Variants in CPLX1 observed in about 807,000 individuals in gnomAD.
The protein encoded by CPLX1 is complexin 1, also known as complexin-1.
A neutral mutation model predicts 15.6 loss-of-function variants in CPLX1; 6 were observed. The observed-to-expected ratio is 0.39, with a 90% CI of 0.21 to 0.76. The LOEUF is 0.76. Among genes scored for constraint, CPLX1 ranks in the 30% least tolerant of loss-of-function variants. The pLI, the probability that CPLX1 is intolerant of heterozygous loss-of-function variation, is 0.43. For missense variants in CPLX1, 242 were observed against 188.6 expected (o/e 1.28, Z -1.66); for synonymous variants, 91 against 75.2 (o/e 1.21, Z -1.08).
chr4:803,422 G>A (rs561840971), intron 2 of CPLX1, among the ~76,000 whole-genome samples: 1 of 151,772 alleles, frequency 6.6e-6, no homozygotes, highest in Non-Finnish European at 1.5e-5. Flanking sequence ...ACGGAATCTC[G>A]CTCTGTCGCC....
chr4:802,264 CAA>C (rs940652572), intron 2 of CPLX1, among the ~76,000 whole-genome samples: 6 of 152,208 alleles, frequency 3.9e-5, no homozygotes, highest in African/African-American at 1.4e-4. Flanking sequence ...GGGAGAATCT[CAA>C]AGTCTTTATG....
At chr4:812,237 G>A (rs1164626059) in intron 2 of CPLX1, among the ~76,000 whole-genome samples, 2 of 151,932 alleles carry the variant, frequency 1.3e-5, no homozygotes, top group Admixed American at 6.6e-5. Context: ...ACCACGCCCC[G>A]CTAAATTTTT....
At chr4:803,000 G>A (rs935911103) in intron 2 of CPLX1, among the ~76,000 whole-genome samples, 15 of 151,792 alleles carry the variant, frequency 9.9e-5, no homozygotes, top group Non-Finnish European at 1.9e-4. Context: ...AACACTAGGC[G>A]TCTGAACTTA....
intron 2 of CPLX1, among the ~76,000 whole-genome samples, chr4:811,106 C>T (rs1357052181): frequency 6.6e-6 from 1 of 152,020 alleles, no homozygotes; most frequent in Non-Finnish European, 1.5e-5. Flanking sequence ...CTTAAGTGAT[C>T]CTCCCACCTC....
chr4:809,160 G>A (rs554129655), intron 2 of CPLX1, among the ~76,000 whole-genome samples: 1 of 152,364 alleles, frequency 6.6e-6, no homozygotes, highest in South Asian at 2.1e-4. Flanking sequence ...ATTCAAACAC[G>A]ATTATGCTCC....
intron 2 of CPLX1, among the ~76,000 whole-genome samples, chr4:804,464 C>A (rs1011472349): frequency 3.3e-5 from 5 of 151,930 alleles, no homozygotes; most frequent in African/African-American, 9.7e-5. Context: ...GAAAATATAA[C>A]CTACTTAGAA....
At chr4:803,533 G>A (rs2152645700) in intron 2 of CPLX1, among the ~76,000 whole-genome samples, 1 of 135,288 alleles carries the variant, frequency 7.4e-6, no homozygotes, top group Non-Finnish European at 1.5e-5. Context: ...TGGGACTGCA[G>A]GCGTCCGCCA....
chr4:791,304 C>T lies in CPLX1; in HGVS notation c.207+1129G>A, dbSNP rs114872652. On this transcript the variant is annotated intron_variant, in intron 3 of 3. Transcript: ENST00000304062. The stretch of plus-strand genomic sequence containing the variant: ...GTGGGATGCCAGGGCGCCCGGCCCC[C>T]ACTCCCCATCAGCGGCTTCTCTGCA... Among the ~76,000 whole-genome samples the T allele has an allele frequency of 3.2e-3, 490 of 151,550 alleles. 3 individuals carry two copies. Among genetic ancestry groups the T allele is most frequent in the African/African-American group, 0.011 (468 of 41,260 alleles).
chr4:824,802 A>C (rs1257702776), intron 1 of CPLX1: 1 of 654,164 alleles, frequency 1.5e-6, no homozygotes, highest in Admixed American at 2.1e-5. Context: ...TGGTCTCCCC[A>C]GCTCCTGGGG....
chr4:820,306 G>A (rs1470212591), intron 2 of CPLX1, among the ~76,000 whole-genome samples: 2 of 152,276 alleles, frequency 1.3e-5, no homozygotes, highest in Non-Finnish European at 2.9e-5. Context: ...GTGGCCCAAT[G>A]GGGCAGGAAC....
Position 786,397 on chromosome 4 carries a change from T to G in CPLX1, c.*104A>C. 1 of 1,310,486 alleles carries G rather than the reference T, an allele frequency of 7.6e-7. No homozygotes were observed. The highest frequency in any genetic ancestry group is 1.0e-6 in the Non-Finnish European group (1 of 982,722). The allele number at this position is 1,310,486 out of a possible 1,614,324, so 81.2% of individuals were successfully genotyped here. A position where few individuals can be genotyped will look rare whatever the true frequency, so the allele number is the denominator to read the frequency against. ...GCAGGGCGGGCCTGGGGCTATGGCT[T>G]ATATCGGCGTGGGGGCTGCGCTCTG... is the stretch of plus-strand genomic sequence containing the variant. On this transcript the variant is annotated 3_prime_UTR_variant, in exon 4 of 4. Coordinates refer to ENST00000304062, the MANE Select transcript of CPLX1 (RefSeq NM_006651.4).
At chr4:792,728 C>G in intron 2 of CPLX1, 120 bp from the exon 3 acceptor site, 1 of 1,093,014 alleles carries the variant, frequency 9.1e-7, no homozygotes. Context: ...ACTCGACCCT[C>G]TGGCTGCCCC....
chr4:786,574 T>C lies in CPLX1; in HGVS notation c.332A>G (p.Glu111Gly). 5 of 1,610,420 alleles carry C rather than the reference T, an allele frequency of 3.1e-6. No homozygotes were observed. Among genetic ancestry groups the C allele is most frequent in the Non-Finnish European group, 4.2e-6 (5 of 1,178,578 alleles). The change falls in exon 4 of 4, where the codon GAG becomes GGG. Residue 111 changes from glutamate to glycine, a missense_variant. Transcript: ENST00000304062. ...GGTGTCCAGGATGCTCTCGTCCTCC[T>C]CCTCCACCTCGTCCCCGCAGCCCGG... ...IPPGCGDEVEEEDESILDTVI... is the reference protein window; with the variant it reads ...IPPGCGDEVEGEDESILDTVI...
intron 2 of CPLX1, among the ~76,000 whole-genome samples, chr4:809,836 G>T (rs1326139782): frequency 6.6e-6 from 1 of 152,018 alleles, no homozygotes; most frequent in Non-Finnish European, 1.5e-5. Flanking sequence ...TATATAAAGG[G>T]GCACACACAA....
At chr4:809,193 C>T (rs763379332) in intron 2 of CPLX1, among the ~76,000 whole-genome samples, 20 of 152,252 alleles carry the variant, frequency 1.3e-4, no homozygotes, top group Admixed American at 2.6e-4. Flanking sequence ...CCGTATCTTG[C>T]GGTTGCTATT....
intron 2 of CPLX1, among the ~76,000 whole-genome samples, chr4:818,463 G>A (rs528113443): frequency 5.5e-4 from 84 of 152,348 alleles, no homozygotes; most frequent in African/African-American, 1.6e-3. Flanking sequence ...TCTGTTTTGC[G>A]CCCACGCTGA....
chr4:795,163 G>A (rs1000321548), intron 2 of CPLX1, among the ~76,000 whole-genome samples: 4 of 152,256 alleles, frequency 2.6e-5, no homozygotes, highest in Non-Finnish European at 5.9e-5. Flanking sequence ...GCAGGGAGGC[G>A]CCTCCAGAAC....
chr4:824,747 G>A (rs552520810), intron 1 of CPLX1, 146 bp from the exon 2 acceptor site: 1 of 693,502 alleles, frequency 1.4e-6, no homozygotes, highest in African/African-American at 1.7e-5. Flanking sequence ...TTCGTGAGGG[G>A]CTTCTGTCCC....
intron 2 of CPLX1, among the ~76,000 whole-genome samples, chr4:823,244 T>TTA (rs1450767952): frequency 6.6e-6 from 1 of 152,142 alleles, no homozygotes; most frequent in East Asian, 1.9e-4. Flanking sequence ...GCCATTATAA[T>TTA]TAGACTCAAC....
Sources: gnomAD v4.1 joint callset for allele counts (sites outside exome capture counted in the v4.1 genomes callset) on GRCh38, gnomAD v4.1.1 for gene constraint, MANE v1.5 for transcripts, NCBI Gene and HGNC (gene_info 2026-07-23, HGNC 2026-07-21) for gene names.